NEDD9: variants seen among roughly 807,000 people sequenced by gnomAD.
NEDD9 encodes enhancer of filamentation 1.
NEDD9 carries 26 observed loss-of-function variants against 76.6 expected under a neutral mutation model. The ratio of observed to expected loss-of-function variants is 0.34; its 90% CI spans 0.25 to 0.47. The LOEUF (loss-of-function observed/expected upper bound fraction) is 0.47. Among genes scored for constraint, NEDD9 ranks in the 20% least tolerant of loss-of-function variants. The pLI, the probability that NEDD9 is intolerant of heterozygous loss-of-function variation, is 1.00. For missense variants in NEDD9, 937 were observed against 1,058.5 expected (o/e 0.89, Z 1.59); for synonymous variants, 392 against 414.2 (o/e 0.95, Z 0.65).
intron 3 of NEDD9, among the ~76,000 whole-genome samples, chr6:11,283,279 TG>T (rs138441423): frequency 0.014 from 2,129 of 152,336 alleles, 44 homozygotes; most frequent in African/African-American, 0.049. Flanking sequence ...ACAACCTTTG[TG>T]TTTATTTGCT....
intron 2 of NEDD9, among the ~76,000 whole-genome samples, chr6:11,307,475 A>G (rs2113425509): frequency 6.6e-6 from 1 of 152,268 alleles, no homozygotes; most frequent in Admixed American, 6.5e-5. Context: ...GAGAAACAAA[A>G]GGGAGATTTA....
intron 2 of NEDD9, among the ~76,000 whole-genome samples, chr6:11,307,346 A>T (rs1213545113): frequency 6.6e-6 from 1 of 152,158 alleles, no homozygotes; most frequent in Non-Finnish European, 1.5e-5. Context: ...GAGGGGGGAA[A>T]AAGGAATTTT....
chr6:11,206,037 A>G lies in NEDD9; in HGVS notation c.459+7244T>C, dbSNP rs150767141. Among the ~76,000 whole-genome samples, 14 of 152,382 alleles carry G rather than the reference A, an allele frequency of 9.2e-5. 1 individual carries two copies. In the East Asian group the frequency reaches 2.5e-3, roughly 27 times the overall value. ...GTTATCTTGACAACGTTTAAGGCACAGCTAGTTAGAATGAAGTGCTTTTGA... is the reference window on the plus strand; with the variant it reads ...GTTATCTTGACAACGTTTAAGGCACGGCTAGTTAGAATGAAGTGCTTTTGA... On this transcript the variant is annotated intron_variant, in intron 2 of 6. Coordinates refer to ENST00000379446, the MANE Select transcript of NEDD9 (RefSeq NM_006403.4).
At chr6:11,195,376 T>G (rs1235548009) in intron 2 of NEDD9, among the ~76,000 whole-genome samples, 1 of 152,192 alleles carries the variant, frequency 6.6e-6, no homozygotes, top group African/African-American at 2.4e-5. Flanking sequence ...CACTGTATTG[T>G]GCATAGCAAA....
intron 1 of NEDD9, among the ~76,000 whole-genome samples, chr6:11,365,401 G>A (rs1463746745): frequency 2.0e-5 from 3 of 152,306 alleles, no homozygotes; most frequent in East Asian, 1.9e-4. Flanking sequence ...GTACATCTAC[G>A]TGTAGAATTT....
chr6:11,344,860 G>C (rs1465402352), intron 1 of NEDD9, among the ~76,000 whole-genome samples: 1 of 152,042 alleles, frequency 6.6e-6, no homozygotes, highest in Non-Finnish European at 1.5e-5. Context: ...ACCCATTACA[G>C]AGTCAGTATT....
intron 3 of NEDD9, among the ~76,000 whole-genome samples, chr6:11,274,125 A>G (rs1268203777): frequency 6.6e-6 from 1 of 152,068 alleles, no homozygotes; most frequent in Admixed American, 6.6e-5. Flanking sequence ...TGAGAATTGG[A>G]GTTAGTATTT....
chr6:11,376,862 G>C (rs1762975719), intron 1 of NEDD9, among the ~76,000 whole-genome samples: 1 of 152,228 alleles, frequency 6.6e-6, no homozygotes, highest in African/African-American at 2.4e-5. Context: ...CAAAGGCCCA[G>C]AGGCTTAGGA....
At chr6:11,338,920 CA>C (rs34260918) in intron 1 of NEDD9, among the ~76,000 whole-genome samples, 7,805 of 77,558 alleles carry the variant, frequency 0.1, 345 homozygotes, top group African/African-American at 0.19. Flanking sequence ...GACTCTGTCT[CA>C]AAAAAAAAAA....
At chr6:11,334,968 G>A (rs1485245919) in intron 1 of NEDD9, among the ~76,000 whole-genome samples, 1 of 152,168 alleles carries the variant, frequency 6.6e-6, no homozygotes, top group Admixed American at 6.5e-5. Context: ...AGTTGACAAT[G>A]ACCAATTGAG....
At chr6:11,227,032 T>G (rs1221253509) in intron 1 of NEDD9, among the ~76,000 whole-genome samples, 1 of 152,230 alleles carries the variant, frequency 6.6e-6, no homozygotes, top group African/African-American at 2.4e-5. Flanking sequence ...TAAGATCCTC[T>G]TAAATGGCTA....
intron 3 of NEDD9, among the ~76,000 whole-genome samples, chr6:11,249,905 C>T (rs552575077): frequency 1.3e-5 from 2 of 152,280 alleles, no homozygotes; most frequent in East Asian, 1.9e-4. Flanking sequence ...CTGGTACACA[C>T]GTGGTGAGTG....
upstream of NEDD9, among the ~76,000 whole-genome samples, chr6:11,235,768 G>A (rs983991940): frequency 2.6e-5 from 4 of 152,190 alleles, no homozygotes; most frequent in African/African-American, 4.8e-5. The surrounding 1 kb of genome is among the most constrained non-coding windows in gnomAD (Gnocchi z 4.1). Flanking sequence ...CAGTAGGCAC[G>A]AGCTTAGTGT....
chr6:11,323,690 A>T (rs1761862057), intron 2 of NEDD9, among the ~76,000 whole-genome samples: 1 of 152,208 alleles, frequency 6.6e-6, no homozygotes, highest in Non-Finnish European at 1.5e-5. Flanking sequence ...CTAATGCAGA[A>T]GACTTAGTCA....
At chr6:11,219,443 G>C (rs956328021) in intron 1 of NEDD9, among the ~76,000 whole-genome samples, 2 of 152,190 alleles carry the variant, frequency 1.3e-5, no homozygotes, top group Non-Finnish European at 2.9e-5. Flanking sequence ...TCATGCAGGG[G>C]ATCCTGCCAT....
intron 1 of NEDD9, among the ~76,000 whole-genome samples, chr6:11,373,889 C>T (rs779200796): frequency 1.5e-4 from 23 of 152,168 alleles, no homozygotes; most frequent in Middle Eastern, 3.4e-3. Context: ...GAAAAAAGAG[C>T]GACATCCACA....
intron 2 of NEDD9, among the ~76,000 whole-genome samples, chr6:11,211,109 A>T (rs1195146116): frequency 6.6e-6 from 1 of 152,220 alleles, no homozygotes. Flanking sequence ...TGCAGGACTC[A>T]TCTACCTTTT....
intron 3 of NEDD9, among the ~76,000 whole-genome samples, chr6:11,304,521 G>T (rs1761129771): frequency 6.6e-6 from 1 of 152,154 alleles, no homozygotes; most frequent in Admixed American, 6.5e-5. Flanking sequence ...GTTTATTGGG[G>T]CACTATTCAC....
chr6:11,300,369 G>T (rs1442193238), intron 3 of NEDD9, among the ~76,000 whole-genome samples: 3 of 152,182 alleles, frequency 2.0e-5, no homozygotes, highest in African/African-American at 7.2e-5. Flanking sequence ...TATAAGAAAA[G>T]ACCAAATCTA....
Sources: gnomAD v4.1 joint callset for allele counts (sites outside exome capture counted in the v4.1 genomes callset) on GRCh38, gnomAD v4.1.1 for gene constraint, Gnocchi (gnomAD v3.1) non-coding constraint, MANE v1.5 for transcripts, NCBI Gene and HGNC (gene_info 2026-07-23, HGNC 2026-07-21) for gene names.